CCND2: variants seen among roughly 807,000 people sequenced by gnomAD.
The protein encoded by CCND2 is G1/S-specific cyclin-D2.
Under a neutral mutation model 30.2 loss-of-function variants are expected in CCND2, and 6 were observed. The ratio of observed to expected loss-of-function variants is 0.20; its 90% CI spans 0.11 to 0.39. The LOEUF is 0.39. Ranked by LOEUF, CCND2 falls within the 10% of genes least tolerant of loss-of-function variation. CCND2 has a pLI of 1.00. For synonymous variants in CCND2, 150 were observed against 153.1 expected (o/e 0.98, Z 0.15); for missense variants, 235 against 373.4 (o/e 0.63, Z 3.06).
At chr12:4,297,570 C>CAAAAAAAAAAAAAAAAAAA in intron 4 of CCND2, among the ~76,000 whole-genome samples, 1 of 74,786 alleles carries the variant, frequency 1.3e-5, no homozygotes, top group Non-Finnish European at 2.4e-5. Context: ...CACTCTGTCT[C>CAAAAAAAAAAAAAAAAAAA]AAAAAAAAAA....
rs1864256658 is a variant in CCND2, at chr12:4,301,956, TC to T, written c.*1949del. The T allele has an allele frequency of 4.3e-6, 1 of 232,412 alleles. No homozygotes were observed. Among genetic ancestry groups the T allele is most frequent in the South Asian group, 1.8e-4 (1 of 5,518 alleles). 14.4% of individuals were successfully genotyped at this position (232,412 alleles called of 1,614,324 possible). Reference sequence around the variant, plus strand: ...TTTTGGTTTTTTGGTTTTTTTTTTTTCCTCTGATCACATTCTTCAAAGACGG... The same window carrying T: ...TTTTGGTTTTTTGGTTTTTTTTTTTTCTCTGATCACATTCTTCAAAGACGG... On this transcript the variant is annotated 3_prime_UTR_variant, in exon 5 of 5. Transcript: ENST00000261254.
At position 4,278,777 on chromosome 12, in the gene CCND2, G is replaced by T. The variant is rs749901916; in HGVS notation, c.429G>T (p.Val143=). 3 of 1,614,202 alleles carry T rather than the reference G, an allele frequency of 1.9e-6. No individual in the cohort carries two copies. Among genetic ancestry groups the T allele is most frequent in the Non-Finnish European group, 2.5e-6 (3 of 1,180,000 alleles). The change falls in exon 3 of 5, where the codon GTG becomes GTT. Residue 143 remains valine (V), a synonymous_variant. Transcript: ENST00000261254. ...PQELLEWELV[V]LGKLKWNLAA... is the part of the protein sequence containing the mutation. ...CCCTCCAGGAGTGGGAACTGGTGGT[G>T]CTGGGGAAGTTGAAGTGGAACCTGG...
chr12:4,277,334 T>C (rs1230421022), intron 2 of CCND2, among the ~76,000 whole-genome samples: 1 of 152,216 alleles, frequency 6.6e-6, no homozygotes, highest in Non-Finnish European at 1.5e-5. Context: ...GAGGAAGGGC[T>C]GGCATTTCAA....
At position 4,285,178 on chromosome 12, in the gene CCND2, G is replaced by A. The variant is rs901550192; in HGVS notation, c.572-3664G>A. 2.3e-6 allele frequency: 1 copy of A among 426,438 alleles called. No homozygotes were observed. The allele number at this position is 426,438 out of a possible 1,614,324, so 26.4% of individuals were successfully genotyped here. A position where few individuals can be genotyped will look rare whatever the true frequency, so the allele number is the denominator to read the frequency against. ...AGTCTGAATATTGTACGTTTTGGGG[G>A]GAGTCCTCCATGCTGCCTGGAACAG... On this transcript the variant is annotated intron_variant, in intron 3 of 4. Transcript: ENST00000261254. This position sits in a 1 kb window ranked among gnomAD's most constrained non-coding sequence, Gnocchi z 4.1.
At chr12:4,297,816 C>T (rs1243091876) in intron 4 of CCND2, 1 of 451,850 alleles carries the variant, frequency 2.2e-6, no homozygotes, top group Non-Finnish European at 4.5e-6. Context: ...ACAGGAACGT[C>T]TGAGAGGTGT....
chr12:4,296,708 A>T (rs1009710896), intron 4 of CCND2, among the ~76,000 whole-genome samples: 1 of 113,878 alleles, frequency 8.8e-6, no homozygotes, highest in African/African-American at 3.0e-5. Context: ...TCTTGGGGAA[A>T]AAAAAAAAAA....
chr12:4,278,686 A>G, intron 2 of CCND2, 74 bp from the exon 3 acceptor site: 6 of 1,524,574 alleles, frequency 3.9e-6, no homozygotes, highest in Non-Finnish European at 5.4e-6. Flanking sequence ...TCTGGAGCCC[A>G]ACCCCCAGCC....
At chr12:4,288,350 T>C (rs1864051500) in intron 3 of CCND2, among the ~76,000 whole-genome samples, 1 of 151,630 alleles carries the variant, frequency 6.6e-6, no homozygotes, top group Non-Finnish European at 1.5e-5. Flanking sequence ...GTTTCTCCCA[T>C]CTCCTTGTAC....
rs969318686 is a variant in CCND2 at position 4,300,354 on chromosome 12, CTT to C, written c.*354_*355del. ...CAATATGGGAACAAATTAGAGGAGA[CTT>C]TTTTTTTTCATGTTATGAGCTAGCA... On this transcript the variant is annotated 3_prime_UTR_variant, in exon 5 of 5. Transcript: ENST00000261254. 11 of 249,366 alleles carry C rather than the reference CTT, an allele frequency of 4.4e-5. No homozygotes were observed. Among genetic ancestry groups the C allele is most frequent in the South Asian group, 1.3e-4 (1 of 7,624 alleles). The allele number at this position is 249,366 out of a possible 1,614,324, so 15.4% of individuals were successfully genotyped here. A position where few individuals can be genotyped will look rare whatever the true frequency, so the allele number is the denominator to read the frequency against.
intron 2 of CCND2, among the ~76,000 whole-genome samples, chr12:4,277,280 T>TTA (rs1358070442): frequency 2.0e-5 from 3 of 152,188 alleles, no homozygotes; most frequent in Non-Finnish European, 2.9e-5. Flanking sequence ...CTTCCTTTAA[T>TTA]AACGGTGCAA....
At position 4,274,528 on chromosome 12, in the gene CCND2, C is replaced by T. The variant is rs974812762; in HGVS notation, c.195+293C>T. On this transcript the variant is annotated intron_variant, in intron 1 of 4. Coordinates refer to ENST00000261254, the MANE Select transcript of CCND2 (RefSeq NM_001759.4). The surrounding 1 kb of genome is among the most constrained non-coding windows in gnomAD (Gnocchi z 7.7). ...CATGTGGCTGCCTCTTCTTCCCACC[C>T]CCCTCGCGACCTGTCTTTTGCGAAG... 6.6e-6 allele frequency among the ~76,000 whole-genome samples: 1 copy of T among 152,214 alleles called. No individual in the cohort carries two copies. Among genetic ancestry groups the T allele is most frequent in the African/African-American group, 2.4e-5 (1 of 41,452 alleles).
rs2120560873 is a variant in CCND2 at position 4,288,955 on chromosome 12, A to T, written c.685A>T (p.Thr229Ser). The T allele has an allele frequency of 6.2e-7, 1 of 1,613,664 alleles. No homozygotes were observed. The highest frequency in any genetic ancestry group is 1.3e-5 in the African/African-American group (1 of 74,982). ...EVSSLTCDALTELLAKITNTD... is the reference protein window; with the variant it reads ...EVSSLTCDALSELLAKITNTD... ...GAGCTCGCTCACTTGTGATGCCCTG[A>T]CTGAGCTGCTGGCTAAGATCACCAA... The change falls in exon 4 of 5, where the codon ACT becomes TCT. Residue 229 changes from threonine (T) to serine (S), a missense_variant. By Grantham distance (58) the Thr-to-Ser change is moderately conservative. This residue lies in a region of CCND2 where 178 missense variants were observed against 322.8 expected (regional missense o/e 0.55). Coordinates refer to ENST00000261254, the MANE Select transcript of CCND2 (RefSeq NM_001759.4).
Position 4,304,066 on chromosome 12 carries a change from A to C in CCND2, c.*4057A>C. On this transcript the variant is annotated 3_prime_UTR_variant, in exon 5 of 5. Transcript: ENST00000261254. This position sits in a 1 kb window ranked among gnomAD's most constrained non-coding sequence, Gnocchi z 6.2. Reference sequence around the variant, plus strand: ...GTGCCCTGGGAGCTCTGGGACTGAAAGGTTAAGAACATAAGGCAGGATCAG... The same window carrying C: ...GTGCCCTGGGAGCTCTGGGACTGAACGGTTAAGAACATAAGGCAGGATCAG... 1 of 233,338 alleles carries C rather than the reference A, an allele frequency of 4.3e-6. No homozygotes were observed. The highest frequency in any genetic ancestry group is 8.5e-6 in the Non-Finnish European group (1 of 118,084). The allele number at this position is 233,338 out of a possible 1,614,324, so 14.5% of individuals were successfully genotyped here. A position where few individuals can be genotyped will look rare whatever the true frequency, so the allele number is the denominator to read the frequency against.
chr12:4,293,882 G>A lies in CCND2; in HGVS notation c.720+4892G>A, dbSNP rs1864132138. ...TTGTGAAGTGTTGCTGGAAGCTGGGGGTGGGGAGGTGGAATAGAATCGGGG... is the reference window on the plus strand; with the variant it reads ...TTGTGAAGTGTTGCTGGAAGCTGGGAGTGGGGAGGTGGAATAGAATCGGGG... On this transcript the variant is annotated intron_variant, in intron 4 of 4. Transcript: ENST00000261254. The surrounding 1 kb of genome is among the most constrained non-coding windows in gnomAD (Gnocchi z 4.9). 6.6e-6 allele frequency among the ~76,000 whole-genome samples: 1 copy of A among 152,176 alleles called. No homozygotes were observed. Among genetic ancestry groups the A allele is most frequent in the Admixed American group, 6.5e-5 (1 of 15,278 alleles).
intron 4 of CCND2, among the ~76,000 whole-genome samples, chr12:4,297,053 T>G (rs1864179646): frequency 6.6e-6 from 1 of 152,178 alleles, no homozygotes; most frequent in African/African-American, 2.4e-5. Flanking sequence ...GAGAAAGGGC[T>G]GTCCATGTCT....
rs781537746 is a variant in CCND2, at chr12:4,274,031, C to T, written c.-10C>T. The stretch of plus-strand genomic sequence containing the variant: ...GGAAAGCAGGAGGGAGAGGGGCCGC[C>T]GGGCTGGCCATGGAGCTGCTGTGCC... On this transcript the variant is annotated 5_prime_UTR_variant, in exon 1 of 5. Coordinates refer to ENST00000261254, the MANE Select transcript of CCND2 (RefSeq NM_001759.4). This position sits in a 1 kb window ranked among gnomAD's most constrained non-coding sequence, Gnocchi z 7.7. 2.5e-6 allele frequency: 4 copies of T among 1,606,542 alleles called. No individual in the cohort carries two copies. In the South Asian group the frequency reaches 3.3e-5, roughly 13 times the overall value.
chr12:4,294,713 T>C (rs1864144683), intron 4 of CCND2, among the ~76,000 whole-genome samples: 3 of 152,182 alleles, frequency 2.0e-5, no homozygotes, highest in African/African-American at 7.2e-5. Flanking sequence ...CTCTCCACGC[T>C]CCATTCCCTA....
At position 4,305,000 on chromosome 12, in the gene CCND2, C is replaced by CTT. The variant is rs61152953; in HGVS notation, c.*5001_*5002dup. 1.9e-5 allele frequency: 4 copies of CTT among 205,320 alleles called. No homozygotes were observed. Among genetic ancestry groups the CTT allele is most frequent in the Non-Finnish European group, 1.9e-5 (2 of 104,504 alleles). 12.7% of individuals were successfully genotyped at this position (205,320 alleles called of 1,614,324 possible). On this transcript the variant is annotated 3_prime_UTR_variant, in exon 5 of 5. Transcript: ENST00000261254. This position sits in a 1 kb window ranked among gnomAD's most constrained non-coding sequence, Gnocchi z 6.2. ...GGACTTTTTTTTTTCTTTTCTTTTTCTTTTTTTTTTTGCTTTAAAACAAGT... is the reference window on the plus strand; with the variant it reads ...GGACTTTTTTTTTTCTTTTCTTTTTCTTTTTTTTTTTTTGCTTTAAAACAAGT...
intron 4 of CCND2, among the ~76,000 whole-genome samples, chr12:4,295,348 C>A (rs1418122555): frequency 6.6e-6 from 1 of 152,196 alleles, no homozygotes; most frequent in African/African-American, 2.4e-5. Flanking sequence ...GTGGAGACTG[C>A]AGAGAGGGTT....
Sources: gnomAD v4.1 joint callset for allele counts (sites outside exome capture counted in the v4.1 genomes callset) on GRCh38, gnomAD v4.1.1 for gene constraint, gnomAD v4.1.1 regional missense constraint, Gnocchi (gnomAD v3.1) non-coding constraint, MANE v1.5 for transcripts, NCBI Gene and HGNC (gene_info 2026-07-23, HGNC 2026-07-21) for gene names.